The following KLF15 variants were observed in gnomAD, a reference collection of about 807,000 sequenced individuals.
KLF15 encodes Krueppel-like factor 15.
A neutral mutation model predicts 24.6 loss-of-function variants in KLF15; 4 were observed. That is an observed-to-expected ratio of 0.16 (90% CI 0.08 to 0.37). The LOEUF (loss-of-function observed/expected upper bound fraction) is 0.37, where lower values mean the gene tolerates loss of function less well. Among genes scored for constraint, KLF15 ranks in the 10% least tolerant of loss-of-function variants. KLF15 has a pLI of 1.00. For synonymous variants in KLF15, 246 were observed against 236.3 expected (o/e 1.04, Z -0.37); for missense variants, 496 against 560.6 (o/e 0.88, Z 1.16).
At position 126,351,893 on chromosome 3, in the gene KLF15, G is replaced by A. The variant is rs144702822; in HGVS notation, c.1030C>T (p.Arg344Trp). ...KSSHLKAHLRRHTGEKPFACT... is the reference protein window; with the variant it reads ...KSSHLKAHLRWHTGEKPFACT... ...GCGAAGGGCTTCTCACCCGTGTGCC[G>A]GCGCAGGTGGGCCTTGAGGTGGCTG... The change falls in exon 2 of 3, where the codon CGG becomes TGG. Residue 344 changes from arginine to tryptophan, a missense_variant. This residue lies in a region of KLF15 where 59 missense variants were observed against 106.1 expected (regional missense o/e 0.56). Transcript: ENST00000296233. 1.6e-4 allele frequency: 266 copies of A among 1,613,972 alleles called. No individual in the cohort carries two copies. Among genetic ancestry groups the A allele is most frequent in the Non-Finnish European group, 2.1e-4 (250 of 1,179,994 alleles).
the KLF15 span, among the ~76,000 whole-genome samples, chr3:126,317,440 G>A: frequency 3.3e-5 from 5 of 152,260 alleles, no homozygotes; most frequent in East Asian, 1.9e-4. Context: ...CAGCAACTTC[G>A]CGATAAGATC....
the KLF15 span, among the ~76,000 whole-genome samples, chr3:126,323,269 G>A: frequency 1.0e-4 from 15 of 148,174 alleles, no homozygotes; most frequent in South Asian, 3.2e-3. Flanking sequence ...CTCCATACAT[G>A]TTACATACAC....
At position 126,347,323 on chromosome 3, in the gene KLF15, C is replaced by A. The variant is rs139831129; in HGVS notation, c.1083-3428G>T. Among the ~76,000 whole-genome samples the A allele has an allele frequency of 8.1e-3, 1,241 of 152,272 alleles. 28 individuals carry two copies. The highest frequency in any genetic ancestry group is 0.028 in the African/African-American group (1,170 of 41,554). On this transcript the variant is annotated intron_variant, in intron 2 of 2. Transcript: ENST00000296233. ...ACAACCTGCCCAACCATACTGGGGG[C>A]CTCTGCCTACAGAGGGAAGGAGGTC...
At position 126,357,252 on chromosome 3, in the gene KLF15, G is replaced by C. The variant is rs2082641098; in HGVS notation, c.-41C>G. ...CCTCTCCCACCTGAACTTGGCGCAC[G>C]CCGGACCGGCGGCCAGGCCCCGGCG... On this transcript the variant is annotated 5_prime_UTR_variant, in exon 1 of 3. Transcript: ENST00000296233. The C allele has an allele frequency of 1.3e-5, 2 of 149,076 alleles. No homozygotes were observed. Among genetic ancestry groups the C allele is most frequent in the Non-Finnish European group, 3.0e-5 (2 of 67,012 alleles). 9.2% of individuals were successfully genotyped at this position (149,076 alleles called of 1,614,324 possible).
chr3:126,307,349 C>T, the KLF15 span, among the ~76,000 whole-genome samples: 2 of 152,216 alleles, frequency 1.3e-5, no homozygotes, highest in Admixed American at 1.3e-4. Flanking sequence ...AGCGGGCTCA[C>T]AGGGACTCCC....
At chr3:126,327,683 A>G in the KLF15 span, among the ~76,000 whole-genome samples, 3,770 of 152,314 alleles carry the variant, frequency 0.025, 130 homozygotes, top group African/African-American at 0.073. Flanking sequence ...CTTCATACAT[A>G]GGATGATTCC....
chr3:126,290,833 G>A, the KLF15 span: 1 of 152,218 alleles, frequency 6.6e-6, no homozygotes. Flanking sequence ...TACATTTAAT[G>A]TAGCCATTTG....
chr3:126,307,740 A>ATGG, the KLF15 span, among the ~76,000 whole-genome samples: 1 of 152,206 alleles, frequency 6.6e-6, no homozygotes, highest in African/African-American at 2.4e-5. Flanking sequence ...CCTCTGCTGC[A>ATGG]TGGTGACTAT....
the KLF15 span, among the ~76,000 whole-genome samples, chr3:126,306,246 G>A: frequency 1.3e-5 from 2 of 152,092 alleles, no homozygotes; most frequent in South Asian, 2.1e-4. Context: ...CCCAGGGGTG[G>A]ACTTTCCTTT....
At chr3:126,293,046 ATGCCTCT>A in the KLF15 span, among the ~76,000 whole-genome samples, 2 of 151,608 alleles carry the variant, frequency 1.3e-5, no homozygotes, top group Non-Finnish European at 2.9e-5. Context: ...GCGGTGGCTC[ATGCCTCT>A]AGTCCCAGCA....
downstream of KLF15, among the ~76,000 whole-genome samples, chr3:126,338,706 A>G (rs114007264): frequency 0.01 from 1,541 of 152,296 alleles, 15 homozygotes; most frequent in Non-Finnish European, 0.016. Context: ...CACATTTGCA[A>G]TGATTTAGAC....
At chr3:126,320,276 C>T in the KLF15 span, among the ~76,000 whole-genome samples, 2 of 152,192 alleles carry the variant, frequency 1.3e-5, no homozygotes, top group East Asian at 1.9e-4. Flanking sequence ...AGAGGCTGAA[C>T]ATGTGGATTT....
downstream of KLF15, among the ~76,000 whole-genome samples, chr3:126,341,683 G>A (rs944350707): frequency 3.3e-5 from 5 of 152,206 alleles, no homozygotes; most frequent in East Asian, 1.9e-4. Context: ...TGAGATGCAC[G>A]ACCTCACACA....
In KLF15 at chr3:126,352,288, G is replaced by A. The variant is rs755522464; in HGVS notation, c.635C>T (p.Thr212Met). ...CAACACTGGGATGGGGCCATCAGGC[G>A]TGGGGCCCCCACCTGGGCCCTGGGC... ...GGAQGPGGGP[T>M]PDGPIPVLLQ... The change falls in exon 2 of 3, where the codon ACG becomes ATG. Residue 212 changes from threonine to methionine, a missense_variant. Physicochemically the swap from Thr to Met is moderately conservative, Grantham distance 81. Transcript: ENST00000296233. 1.8e-5 allele frequency: 28 copies of A among 1,546,022 alleles called. No individual in the cohort carries two copies. Among genetic ancestry groups the A allele is most frequent in the Admixed American group, 4.0e-5 (2 of 50,276 alleles).
intron 2 of KLF15, 152 bp downstream of exon 2, chr3:126,351,689 C>T: frequency 1.0e-6 from 1 of 962,852 alleles, no homozygotes; most frequent in Non-Finnish European, 1.5e-6. Context: ...CTCCAGGCAA[C>T]TGTGCCAGCT....
At chr3:126,327,348 A>G in the KLF15 span, among the ~76,000 whole-genome samples, 1 of 152,184 alleles carries the variant, frequency 6.6e-6, no homozygotes, top group South Asian at 2.1e-4. Flanking sequence ...GCCCCCAGGA[A>G]GCTCCTGAAC....
chr3:126,315,443 C>T, the KLF15 span, among the ~76,000 whole-genome samples: 1 of 152,152 alleles, frequency 6.6e-6, no homozygotes, highest in East Asian at 1.9e-4. Context: ...CCCCACTGTG[C>T]CCCAGATGGG....
rs910660585 is a variant in KLF15, at chr3:126,342,709, A to G, written c.*1018T>C. 1.3e-5 allele frequency: 2 copies of G among 152,616 alleles called. No individual in the cohort carries two copies. The highest frequency in any genetic ancestry group is 2.9e-5 in the Non-Finnish European group (2 of 68,038). The allele number at this position is 152,616 out of a possible 1,614,324, so 9.5% of individuals were successfully genotyped here. On this transcript the variant is annotated 3_prime_UTR_variant, in exon 3 of 3. Coordinates refer to ENST00000296233, the MANE Select transcript of KLF15 (RefSeq NM_014079.4). ...GACCAAAGAAAATATACGTAATTGTAACATATGTACACCAGCTTCATAGAT... is the reference window on the plus strand; with the variant it reads ...GACCAAAGAAAATATACGTAATTGTGACATATGTACACCAGCTTCATAGAT...
chr3:126,347,885 G>C (rs1342472540), intron 2 of KLF15, among the ~76,000 whole-genome samples: 1 of 152,174 alleles, frequency 6.6e-6, no homozygotes, highest in African/African-American at 2.4e-5. Context: ...GGGCCTGAGG[G>C]GCCCTGGCTT....
Sources: gnomAD v4.1 joint callset for allele counts (sites outside exome capture counted in the v4.1 genomes callset) on GRCh38, gnomAD v4.1.1 for gene constraint, gnomAD v4.1.1 regional missense constraint, MANE v1.5 for transcripts, NCBI Gene and HGNC (gene_info 2026-07-23, HGNC 2026-07-21) for gene names.